PFDN6: variants seen among roughly 807,000 people sequenced by gnomAD.
PFDN6 encodes HLA class II region expressed gene KE2.
A neutral mutation model predicts 19.3 loss-of-function variants in PFDN6; 5 were observed. The ratio of observed to expected loss-of-function variants is 0.26; its 90% confidence interval spans 0.14 to 0.55. The LOEUF (loss-of-function observed/expected upper bound fraction) is 0.55. Ranked by LOEUF, PFDN6 falls within the 20% of genes least tolerant of loss-of-function variation. The probability of loss-of-function intolerance (pLI) is 0.94; values close to 1 mark genes in which losing one functional copy is unlikely to be tolerated. For missense variants in PFDN6, 101 were observed against 149.4 expected (o/e 0.68, Z 1.69); for synonymous variants, 51 against 63.4 (o/e 0.80, Z 0.93).
rs1767317719 is a variant in PFDN6, at chr6:33,290,898, T to C, written c.*53T>C. 1 of 1,503,500 alleles carries C rather than the reference T, an allele frequency of 6.7e-7. No individual in the cohort carries two copies. Among genetic ancestry groups the C allele is most frequent in the Admixed American group, 2.0e-5 (1 of 51,270 alleles). 93.1% of individuals were successfully genotyped at this position (1,503,500 alleles called of 1,614,324 possible). Reference sequence around the variant, plus strand: ...GGGAGGGAATGAGGCAGCTCTAGGATCTATACTGTAGCTAATAAAATGTAA... The same window carrying C: ...GGGAGGGAATGAGGCAGCTCTAGGACCTATACTGTAGCTAATAAAATGTAA... On this transcript the variant is annotated 3_prime_UTR_variant, in exon 4 of 4. Transcript: ENST00000374606.
rs539932256 is a variant in PFDN6 at position 33,289,717 on chromosome 6, G to T, written c.-140G>T. On this transcript the variant is annotated 5_prime_UTR_variant, in exon 1 of 4. Coordinates refer to ENST00000374606, the MANE Select transcript of PFDN6 (RefSeq NM_001185181.3). Reference sequence around the variant, plus strand: ...TGGAGTCGATATCCGGGACGGGGGGGAGGTTGCGGTGCCCCTCAGGGCTAC... The same window carrying T: ...TGGAGTCGATATCCGGGACGGGGGGTAGGTTGCGGTGCCCCTCAGGGCTAC... The T allele has an allele frequency of 9.4e-5, 60 of 639,514 alleles. No homozygotes were observed. In the South Asian group the frequency reaches 1.2e-3, roughly 12 times the overall value. The allele number at this position is 639,514 out of a possible 1,614,324, so 39.6% of individuals were successfully genotyped here. A position where few individuals can be genotyped will look rare whatever the true frequency, so the allele number is the denominator to read the frequency against.
At chr6:33,289,259 C>T (rs921140400), upstream of PFDN6, 4 of 1,536,038 alleles carry the variant, frequency 2.6e-6, no homozygotes, top group African/African-American at 4.1e-5. Flanking sequence ...CTCTGTCCTT[C>T]ATCCAATCAG....
chr6:33,290,776 C>T lies in PFDN6; in HGVS notation c.321C>T (p.Thr107=). The change falls in exon 4 of 4, where the codon ACC becomes ACT. Residue 107 remains threonine (T), a synonymous_variant. Transcript: ENST00000374606. ...LERQSEQQRE[T]LAQLQQEFQR... ...GGCAGTCAGAGCAACAGAGGGAGACCCTTGCTCAGCTGCAGCAGGAGTTCC... is the reference window on the plus strand; with the variant it reads ...GGCAGTCAGAGCAACAGAGGGAGACTCTTGCTCAGCTGCAGCAGGAGTTCC... The T allele has an allele frequency of 6.2e-7, 1 of 1,610,012 alleles. No individual in the cohort carries two copies. Among genetic ancestry groups the T allele is most frequent in the Non-Finnish European group, 8.5e-7 (1 of 1,179,934 alleles).
chr6:33,290,899 C>G lies in PFDN6; in HGVS notation c.*54C>G. Reference sequence around the variant, plus strand: ...GGAGGGAATGAGGCAGCTCTAGGATCTATACTGTAGCTAATAAAATGTAAA... The same window carrying G: ...GGAGGGAATGAGGCAGCTCTAGGATGTATACTGTAGCTAATAAAATGTAAA... On this transcript the variant is annotated 3_prime_UTR_variant, in exon 4 of 4. Coordinates refer to ENST00000374606, the MANE Select transcript of PFDN6 (RefSeq NM_001185181.3). 6.7e-7 allele frequency: 1 copy of G among 1,494,180 alleles called. No individual in the cohort carries two copies. Among genetic ancestry groups the G allele is most frequent in the Non-Finnish European group, 9.0e-7 (1 of 1,107,622 alleles). The allele number at this position is 1,494,180 out of a possible 1,614,324, so 92.6% of individuals were successfully genotyped here. A position where few individuals can be genotyped will look rare whatever the true frequency, so the allele number is the denominator to read the frequency against.
Position 33,289,771 on chromosome 6 carries a change from C to A in PFDN6, c.-86C>A. 8.9e-7 allele frequency: 1 copy of A among 1,118,688 alleles called. No individual in the cohort carries two copies. Among genetic ancestry groups the A allele is most frequent in the Non-Finnish European group, 1.3e-6 (1 of 780,394 alleles). The allele number at this position is 1,118,688 out of a possible 1,614,324, so 69.3% of individuals were successfully genotyped here. A position where few individuals can be genotyped will look rare whatever the true frequency, so the allele number is the denominator to read the frequency against. ...TCAAGAGTGCTATCATTTCCGCAGG[C>A]CAGATCAGAAAAGGGAGCTCAGGTA... On this transcript the variant is annotated 5_prime_UTR_variant, in exon 1 of 4. Coordinates refer to ENST00000374606, the MANE Select transcript of PFDN6 (RefSeq NM_001185181.3).
Position 33,290,174 on chromosome 6 carries a change from A to G in PFDN6, c.65A>G (p.Asp22Gly), listed in dbSNP as rs1158984341. The change falls in exon 2 of 4, where the codon GAC becomes GGC. Residue 22 changes from aspartate to glycine, a missense_variant and splice_region_variant. Asp to Gly is a moderately conservative substitution (Grantham distance 94, BLOSUM62 -1). Coordinates refer to ENST00000374606, the MANE Select transcript of PFDN6 (RefSeq NM_001185181.3). The stretch of plus-strand genomic sequence containing the variant: ...AAATTGCCTTTCCTCTCATCCCCAG[A>G]CTTAAGTAAATCCATGTCGGGGAGG... ...EVEKYQQLQKDLSKSMSGRQK... is the reference protein window; with the variant it reads ...EVEKYQQLQKGLSKSMSGRQK... 1.2e-6 allele frequency: 2 copies of G among 1,614,020 alleles called. No individual in the cohort carries two copies. The highest frequency in any genetic ancestry group is 1.3e-5 in the African/African-American group (1 of 74,918).
chr6:33,290,552 C>G (rs970841150), intron 3 of PFDN6, 102 bp downstream of exon 3: 8 of 1,483,138 alleles, frequency 5.4e-6, no homozygotes, highest in Non-Finnish European at 6.4e-6. Context: ...ATAGTGGCCC[C>G]TAGTCCTCCA....
Position 33,289,678 on chromosome 6 carries a change from T to C in PFDN6, c.-179T>C, listed in dbSNP as rs1335945781. Reference sequence around the variant, plus strand: ...GGGGTCTTGCGTTTCGCCCACCATCTCCTGGGGACAGGGTGGAGTCGATAT... The same window carrying C: ...GGGGTCTTGCGTTTCGCCCACCATCCCCTGGGGACAGGGTGGAGTCGATAT... On this transcript the variant is annotated 5_prime_UTR_variant, in exon 1 of 4. Coordinates refer to ENST00000374606, the MANE Select transcript of PFDN6 (RefSeq NM_001185181.3). 1 of 551,096 alleles carries C rather than the reference T, an allele frequency of 1.8e-6. No individual in the cohort carries two copies. Among genetic ancestry groups the C allele is most frequent in the Non-Finnish European group, 3.0e-6 (1 of 336,420 alleles). 34.1% of individuals were successfully genotyped at this position (551,096 alleles called of 1,614,324 possible).
At chr6:33,289,278 C>T (rs1459248900), upstream of PFDN6, 2 of 1,509,250 alleles carry the variant, frequency 1.3e-6, no homozygotes, top group Non-Finnish European at 1.8e-6. Flanking sequence ...AGCAGCGTAC[C>T]AGGTATGAAG....
At chr6:33,290,122 G>C (rs1767189616) in intron 1 of PFDN6, 52 bp from the exon 2 acceptor site, 2 of 1,572,328 alleles carry the variant, frequency 1.3e-6, no homozygotes, top group Non-Finnish European at 1.7e-6. Context: ...TAGGATTGTG[G>C]GGATAGGTGG....
Position 33,290,222 on chromosome 6 carries a change from C to T in PFDN6, c.113C>T (p.Thr38Ile), listed in dbSNP as rs770576802. 4 of 1,614,186 alleles carry T rather than the reference C, an allele frequency of 2.5e-6. No homozygotes were observed. The highest frequency in any genetic ancestry group is 4.5e-5 in the East Asian group (2 of 44,890). The change falls in exon 2 of 4, where the codon ACA (threonine) becomes ATA (isoleucine). Residue 38 changes from threonine to isoleucine, a missense_variant. Around this residue, in one of 2 missense-constraint regions of PFDN6, gnomAD observed 54 missense variants for 108.8 expected, o/e 0.50. Coordinates refer to ENST00000374606, the MANE Select transcript of PFDN6 (RefSeq NM_001185181.3). ...AGGCAGAAACTTGAAGCACAACTAA[C>T]AGAAAATAATATCGTGAAAGAGGTG... is the stretch of plus-strand genomic sequence containing the variant. ...SGRQKLEAQL[T>I]ENNIVKEELA...
At chr6:33,289,394 GA>G, upstream of PFDN6, 1 of 1,309,986 alleles carries the variant, frequency 7.6e-7, no homozygotes, top group East Asian at 2.9e-5. Flanking sequence ...ATTTAAAAAA[GA>G]AAGGCAGGTC....
rs775615120 is a variant in PFDN6, at chr6:33,289,820, G to A, written c.-37G>A. ...TACCTTCCAGAGAGTGAGACCCAGC[G>A]CCCTTGTCTCGCACCCAGTAGGCTT... On this transcript the variant is annotated 5_prime_UTR_variant, in exon 1 of 4. Transcript: ENST00000374606. The A allele has an allele frequency of 1.3e-6, 2 of 1,529,086 alleles. No individual in the cohort carries two copies. Among genetic ancestry groups the A allele is most frequent in the Non-Finnish European group, 1.8e-6 (2 of 1,130,226 alleles). 94.7% of individuals were successfully genotyped at this position (1,529,086 alleles called of 1,614,324 possible). A position where few individuals can be genotyped will look rare whatever the true frequency, so the allele number is the denominator to read the frequency against.
chr6:33,290,370 G>T lies in PFDN6; in HGVS notation c.180G>T (p.Leu60=). The T allele has an allele frequency of 1.2e-6, 2 of 1,609,344 alleles. No individual in the cohort carries two copies. Among genetic ancestry groups the T allele is most frequent in the Non-Finnish European group, 1.7e-6 (2 of 1,177,110 alleles). Reference sequence around the variant, plus strand: ...GGTCCAACGTGGTCTTTAAACTTCTGGGTCCGGTGCTAGTCAAACAGGAGC... The same window carrying T: ...GGTCCAACGTGGTCTTTAAACTTCTTGGTCCGGTGCTAGTCAAACAGGAGC... ...LDGSNVVFKL[L]GPVLVKQELG... is the part of the protein sequence containing the mutation. The change falls in exon 3 of 4, where the codon CTG becomes CTT. Residue 60 remains leucine, a synonymous_variant. Coordinates refer to ENST00000374606, the MANE Select transcript of PFDN6 (RefSeq NM_001185181.3).
At position 33,289,819 on chromosome 6, in the gene PFDN6, C is replaced by G. The variant is rs201376547; in HGVS notation, c.-38C>G. ...GTACCTTCCAGAGAGTGAGACCCAG[C>G]GCCCTTGTCTCGCACCCAGTAGGCT... is the stretch of plus-strand genomic sequence containing the variant. On this transcript the variant is annotated 5_prime_UTR_variant, in exon 1 of 4. Transcript: ENST00000374606. 1.3e-6 allele frequency: 2 copies of G among 1,525,410 alleles called. No homozygotes were observed. The highest frequency in any genetic ancestry group is 8.9e-7 in the Non-Finnish European group (1 of 1,127,408). 94.5% of individuals were successfully genotyped at this position (1,525,410 alleles called of 1,614,324 possible). A position where few individuals can be genotyped will look rare whatever the true frequency, so the allele number is the denominator to read the frequency against.
At position 33,289,706 on chromosome 6, in the gene PFDN6, G is replaced by T; in HGVS notation, c.-151G>T. The stretch of plus-strand genomic sequence containing the variant: ...TGGGGACAGGGTGGAGTCGATATCC[G>T]GGACGGGGGGGAGGTTGCGGTGCCC... On this transcript the variant is annotated 5_prime_UTR_variant, in exon 1 of 4. Transcript: ENST00000374606. The T allele has an allele frequency of 3.3e-6, 2 of 614,680 alleles. No homozygotes were observed. The highest frequency in any genetic ancestry group is 6.3e-5 in the South Asian group (2 of 31,870). The allele number at this position is 614,680 out of a possible 1,614,324, so 38.1% of individuals were successfully genotyped here.
At position 33,290,433 on chromosome 6, in the gene PFDN6, C is replaced by G; in HGVS notation, c.243C>G (p.Asp81Glu). 1 of 1,568,794 alleles carries G rather than the reference C, an allele frequency of 6.4e-7. No homozygotes were observed. Among genetic ancestry groups the G allele is most frequent in the Non-Finnish European group, 8.6e-7 (1 of 1,159,864 alleles). The change falls in exon 3 of 4, where the codon GAC becomes GAG. Residue 81 changes from aspartate to glutamate, a missense_variant. Physicochemically the swap from Asp to Glu is conservative, Grantham distance 45. Coordinates refer to ENST00000374606, the MANE Select transcript of PFDN6 (RefSeq NM_001185181.3). ...EARATVGKRL[D>E]YITAEIKRYE... ...GGGCCACAGTAGGGAAGAGGCTGGA[C>G]TATATCACAGCTGAAATGTGAGTTT... is the stretch of plus-strand genomic sequence containing the variant.
chr6:33,289,219 A>G, upstream of PFDN6: 2 of 1,580,900 alleles, frequency 1.3e-6, no homozygotes, highest in Non-Finnish European at 1.7e-6. Flanking sequence ...CTCAGCTGCC[A>G]CACAGTCGGC....
upstream of PFDN6, chr6:33,289,421 A>G: frequency 7.7e-7 from 1 of 1,304,418 alleles, no homozygotes; most frequent in Non-Finnish European, 9.7e-7. Context: ...CCAGGGGCTA[A>G]GTAGCGGTGC....
Sources: gnomAD v4.1 joint callset for allele counts on GRCh38, gnomAD v4.1.1 for gene constraint, gnomAD v4.1.1 regional missense constraint, MANE v1.5 for transcripts, NCBI Gene and HGNC (gene_info 2026-07-23, HGNC 2026-07-21) for gene names.